The following HDAC9 variants were observed in gnomAD, a reference collection of about 807,000 sequenced individuals.
The protein encoded by HDAC9 is histone deacetylase 9.
In HDAC9, 41 loss-of-function variants were observed where a neutral mutation model predicts 139.4. The ratio of observed to expected loss-of-function variants is 0.29; its 90% CI spans 0.23 to 0.38. The LOEUF (loss-of-function observed/expected upper bound fraction) is 0.38. HDAC9 is among the 10% of genes least tolerant of loss of function. HDAC9 has a pLI of 1.00. For missense variants in HDAC9, 1,147 were observed against 1,297.0 expected, an observed-to-expected ratio of 0.88 and a Z score of 1.78; for synonymous variants, 517 against 476.2, an observed-to-expected ratio of 1.09 and a Z score of -1.12.
chr7:18,605,953 T>C (rs780700636), intron 6 of HDAC9, among the ~76,000 whole-genome samples: 1 of 152,128 alleles, frequency 6.6e-6, no homozygotes, highest in Non-Finnish European at 1.5e-5. Context: ...GTGCTGGGAT[T>C]ACAGGTGTGA....
chr7:18,411,817 CT>C (rs71014326), intron 1 of HDAC9, among the ~76,000 whole-genome samples: 9,993 of 88,566 alleles, frequency 0.11, 470 homozygotes, highest in African/African-American at 0.26. Context: ...TTTCAACTTG[CT>C]TTTTTTTTTT....
At chr7:18,625,816 T>C (rs1306668432) in intron 6 of HDAC9, among the ~76,000 whole-genome samples, 1 of 151,700 alleles carries the variant, frequency 6.6e-6, no homozygotes, top group Admixed American at 6.6e-5. Context: ...TGGTGGCACA[T>C]GCCTGTAGTC....
At chr7:18,672,260 G>A (rs187701729) in intron 12 of HDAC9, among the ~76,000 whole-genome samples, 4 of 152,106 alleles carry the variant, frequency 2.6e-5, no homozygotes, top group Non-Finnish European at 2.9e-5. Flanking sequence ...TGAGTATGCA[G>A]TGCTATCATT....
chr7:18,716,704 G>T (rs542683859), intron 12 of HDAC9, among the ~76,000 whole-genome samples: 1 of 152,076 alleles, frequency 6.6e-6, no homozygotes, highest in Non-Finnish European at 1.5e-5. Context: ...TTGTTAAATA[G>T]GTGCAGCTTC....
At chr7:18,482,435 G>A (rs191147263) in intron 1 of HDAC9, among the ~76,000 whole-genome samples, 25 of 117,930 alleles carry the variant, frequency 2.1e-4, no homozygotes, top group Non-Finnish European at 3.7e-4. Flanking sequence ...TGGCTGCCAC[G>A]TCTCAGGGAT....
At chr7:18,358,566 T>C (rs758907445) in intron 1 of HDAC9, among the ~76,000 whole-genome samples, 2 of 152,162 alleles carry the variant, frequency 1.3e-5, no homozygotes, top group South Asian at 2.1e-4. Flanking sequence ...GGTTGGAATT[T>C]GGAAAAAATT....
chr7:18,256,045 C>A (rs1198943060), intron 2 of HDAC9, among the ~76,000 whole-genome samples: 1 of 148,274 alleles, frequency 6.7e-6, no homozygotes, highest in Admixed American at 7.0e-5. Context: ...TCTTTAGAAA[C>A]CTTGACATCT....
chr7:18,975,630 G>C (rs570908708), intron 24 of HDAC9, among the ~76,000 whole-genome samples, 176 bp from the exon 25 acceptor site: 2 of 152,158 alleles, frequency 1.3e-5, no homozygotes, highest in Admixed American at 6.5e-5. Context: ...TTCACAACTT[G>C]GCATTCTTAT....
At chr7:18,972,266 T>C (rs890494647) in intron 24 of HDAC9, among the ~76,000 whole-genome samples, 2 of 152,090 alleles carry the variant, frequency 1.3e-5, no homozygotes, top group African/African-American at 4.8e-5. Context: ...TATTTATAAA[T>C]GTGGAAGTTG....
At chr7:18,512,710 C>A (rs1219940434) in intron 2 of HDAC9, among the ~76,000 whole-genome samples, 3 of 152,160 alleles carry the variant, frequency 2.0e-5, no homozygotes, top group Non-Finnish European at 1.5e-5. Flanking sequence ...ACATAGTCTG[C>A]TGTAAATTTC....
chr7:18,138,797 G>A (rs1785658361), intron 1 of HDAC9, among the ~76,000 whole-genome samples: 1 of 152,088 alleles, frequency 6.6e-6, no homozygotes. Context: ...CTCTCCTGAA[G>A]TCATTCAATT....
intron 22 of HDAC9, among the ~76,000 whole-genome samples, chr7:18,887,158 C>T (rs930566675): frequency 6.6e-6 from 1 of 152,184 alleles, no homozygotes; most frequent in Non-Finnish European, 1.5e-5. Flanking sequence ...CTGTCATGGG[C>T]TGGAGAGTCA....
At chr7:18,744,012 G>GTTTTTTTT (rs35414332) in intron 13 of HDAC9, among the ~76,000 whole-genome samples, 3 of 110,440 alleles carry the variant, frequency 2.7e-5, no homozygotes, top group African/African-American at 1.0e-4. Flanking sequence ...TTTACTACTA[G>GTTTTTTTT]TTTTTTTTTT....
At chr7:18,983,643 T>C (rs1311302478) in intron 25 of HDAC9, among the ~76,000 whole-genome samples, 2 of 152,194 alleles carry the variant, frequency 1.3e-5, no homozygotes, top group Middle Eastern at 3.2e-3. Context: ...AAGTCATATG[T>C]TTTACTTCAT....
intron 24 of HDAC9, among the ~76,000 whole-genome samples, chr7:18,962,598 T>C (rs1485224530): frequency 6.6e-6 from 1 of 152,018 alleles, no homozygotes; most frequent in Non-Finnish European, 1.5e-5. Context: ...AAAATAAAAC[T>C]ATGCATGCTT....
intron 12 of HDAC9, among the ~76,000 whole-genome samples, chr7:18,714,264 G>A (rs760997960): frequency 6.6e-6 from 1 of 152,112 alleles, no homozygotes; most frequent in African/African-American, 2.4e-5. Context: ...CCTACTCTAC[G>A]CAAAACATAG....
chr7:18,908,563 A>G (rs1230850441), intron 22 of HDAC9, among the ~76,000 whole-genome samples: 1 of 151,950 alleles, frequency 6.6e-6, no homozygotes, highest in Non-Finnish European at 1.5e-5. Flanking sequence ...TCACTTCCCA[A>G]CTTCTGGTAA....
chr7:18,177,839 G>A (rs1262093989), intron 2 of HDAC9, among the ~76,000 whole-genome samples: 2 of 152,136 alleles, frequency 1.3e-5, no homozygotes, highest in African/African-American at 2.4e-5. Context: ...AATAAGTGAA[G>A]AATAAAGGGC....
intron 2 of HDAC9, among the ~76,000 whole-genome samples, chr7:18,505,309 A>G (rs1342818852): frequency 6.6e-6 from 1 of 152,188 alleles, no homozygotes; most frequent in Non-Finnish European, 1.5e-5. Flanking sequence ...TTGAAATGTT[A>G]GCATTATGGG....
Sources: allele counts gnomAD v4.1 joint callset (sites outside exome capture counted in the v4.1 genomes callset), GRCh38; gene constraint gnomAD v4.1.1; transcripts MANE v1.5; gene names NCBI Gene and HGNC (gene_info 2026-07-23, HGNC 2026-07-21).